The following DSCAM variants were observed in gnomAD, a reference collection of about 807,000 sequenced individuals.
The protein encoded by DSCAM is cell adhesion molecule DSCAM.
In DSCAM, 47 loss-of-function variants were observed where a neutral mutation model predicts 217.7. The ratio of observed to expected loss-of-function variants is 0.22; its 90% CI spans 0.17 to 0.28. DSCAM has a LOEUF of 0.28. Among genes scored for constraint, DSCAM ranks in the 10% least tolerant of loss-of-function variants. The probability of loss-of-function intolerance (pLI) is 1.00; values close to 1 mark genes in which losing one functional copy is unlikely to be tolerated. For synonymous variants in DSCAM, 1,056 were observed against 1,015.3 expected, an observed-to-expected ratio of 1.04 and a Z score of -0.76; for missense variants, 2,080 against 2,618.3, an observed-to-expected ratio of 0.79 and a Z score of 4.49.
At chr21:40,844,933 G>A (rs965161670) in intron 1 of DSCAM, among the ~76,000 whole-genome samples, 4 of 152,170 alleles carry the variant, frequency 2.6e-5, no homozygotes, top group Non-Finnish European at 5.9e-5. Flanking sequence ...CCTTTCCAAG[G>A]AGTTCAGAAA....
At chr21:40,029,150 C>CTAATTCTTTGATTA in intron 32 of DSCAM, among the ~76,000 whole-genome samples, 1 of 151,980 alleles carries the variant, frequency 6.6e-6, no homozygotes, top group Admixed American at 6.6e-5. Context: ...AAGGTGGCTT[C>CTAATTCTTTGATTA]CAATTCTTGG....
At chr21:40,572,394 GAAAC>G (rs1486173073) in intron 3 of DSCAM, among the ~76,000 whole-genome samples, 7 of 151,766 alleles carry the variant, frequency 4.6e-5, no homozygotes, top group Admixed American at 4.6e-4. Flanking sequence ...ATAAGAAAGA[GAAAC>G]AAATACTGGT....
chr21:40,288,764 A>T (rs1041998676), intron 10 of DSCAM, among the ~76,000 whole-genome samples: 1 of 152,250 alleles, frequency 6.6e-6, no homozygotes, highest in Non-Finnish European at 1.5e-5. Context: ...ACTAATGGCT[A>T]TGTGCCAGAA....
intron 11 of DSCAM, among the ~76,000 whole-genome samples, chr21:40,193,822 A>T (rs1254502996): frequency 6.6e-6 from 1 of 152,136 alleles, no homozygotes; most frequent in Non-Finnish European, 1.5e-5. Flanking sequence ...CACCTCCCAA[A>T]TCCAGGGTAG....
At chr21:40,634,189 C>T (rs1265888463) in intron 3 of DSCAM, among the ~76,000 whole-genome samples, 2 of 152,132 alleles carry the variant, frequency 1.3e-5, no homozygotes, top group Non-Finnish European at 2.9e-5. Flanking sequence ...CATTTAAGAA[C>T]TTTCAAAACA....
intron 27 of DSCAM, among the ~76,000 whole-genome samples, chr21:40,073,399 T>C (rs1218345958): frequency 6.6e-6 from 1 of 152,190 alleles, no homozygotes; most frequent in East Asian, 1.9e-4. Context: ...TTAGACATAG[T>C]TGTCTAATGG....
intron 3 of DSCAM, among the ~76,000 whole-genome samples, chr21:40,399,969 A>G (rs573316069): frequency 4.3e-4 from 65 of 152,276 alleles, no homozygotes; most frequent in Non-Finnish European, 8.5e-4. Context: ...AATTTTACCC[A>G]TATGTGGAAT....
At position 40,144,852 on chromosome 21, in the gene DSCAM, G is replaced by A. The variant is rs768388422; in HGVS notation, c.3019-121C>T. 1.8e-4 allele frequency: 254 copies of A among 1,419,862 alleles called. No individual in the cohort carries two copies. The highest frequency in any genetic ancestry group is 2.2e-4 in the Non-Finnish European group (227 of 1,050,166). The allele number at this position is 1,419,862 out of a possible 1,614,324, so 88.0% of individuals were successfully genotyped here. A position where few individuals can be genotyped will look rare whatever the true frequency, so the allele number is the denominator to read the frequency against. On this transcript the variant is annotated intron_variant, in intron 16 of 32. Coordinates refer to ENST00000400454, the MANE Select transcript of DSCAM (RefSeq NM_001389.5). The surrounding 1 kb of genome is among the most constrained non-coding windows in gnomAD (Gnocchi z 4.8). ...GGAGTCATCGCCACGATGCTGGGGC[G>A]GTGGTCCGGTAGCAGCCGCAAACCC... is the stretch of plus-strand genomic sequence containing the variant.
chr21:40,320,865 T>A (rs1002753464), intron 8 of DSCAM, among the ~76,000 whole-genome samples: 1 of 152,122 alleles, frequency 6.6e-6, no homozygotes, highest in African/African-American at 2.4e-5. Flanking sequence ...AAGATGAGAT[T>A]TGGGTGGAGA....
intron 16 of DSCAM, among the ~76,000 whole-genome samples, chr21:40,161,229 T>C (rs1050607191): frequency 3.3e-5 from 5 of 152,150 alleles, no homozygotes; most frequent in African/African-American, 1.2e-4. Context: ...ACTGGAGTCC[T>C]TGAAGAAGGC....
chr21:40,600,155 A>G (rs1049420695), intron 3 of DSCAM, among the ~76,000 whole-genome samples: 5 of 152,250 alleles, frequency 3.3e-5, no homozygotes, highest in Admixed American at 2.6e-4. Context: ...AACAATAAAA[A>G]GAGCAGAAGT....
chr21:40,372,075 AC>A (rs2074904661), intron 3 of DSCAM, among the ~76,000 whole-genome samples: 2 of 152,150 alleles, frequency 1.3e-5, no homozygotes, highest in African/African-American at 4.8e-5. Context: ...TACAGTCTCA[AC>A]TCAGGAGTCC....
In DSCAM at chr21:40,751,769, G is replaced by T. The variant is rs559015933; in HGVS notation, c.44-42998C>A. ...GACACTTTTCTATTTCTTAAGTGGG[G>T]TTCTATTCATGTTTATATTTTGTGT... On this transcript the variant is annotated intron_variant, in intron 1 of 32. Coordinates refer to ENST00000400454, the MANE Select transcript of DSCAM (RefSeq NM_001389.5). Among the ~76,000 whole-genome samples the T allele has an allele frequency of 6.6e-5, 10 of 152,036 alleles. No individual in the cohort carries two copies. In the South Asian group the frequency reaches 2.1e-3, roughly 32 times the overall value.
intron 16 of DSCAM, among the ~76,000 whole-genome samples, chr21:40,154,736 C>T (rs1289030613): frequency 6.6e-6 from 1 of 152,100 alleles, no homozygotes; most frequent in Non-Finnish European, 1.5e-5. Context: ...AGAAAAGGGC[C>T]ACATGACCTG....
At chr21:40,379,334 A>G (rs2074997341) in intron 3 of DSCAM, among the ~76,000 whole-genome samples, 2 of 152,240 alleles carry the variant, frequency 1.3e-5, no homozygotes, top group African/African-American at 2.4e-5. Flanking sequence ...TGGACACAGT[A>G]GACGTAAACC....
intron 11 of DSCAM, among the ~76,000 whole-genome samples, chr21:40,251,040 A>G (rs1043973812): frequency 6.6e-6 from 1 of 152,240 alleles, no homozygotes; most frequent in Non-Finnish European, 1.5e-5. Flanking sequence ...GGGCTCCCAC[A>G]GCCCTTGTGC....
intron 3 of DSCAM, among the ~76,000 whole-genome samples, chr21:40,562,046 TA>T (rs375951473): frequency 2.2e-4 from 34 of 152,332 alleles, no homozygotes; most frequent in African/African-American, 7.7e-4. Flanking sequence ...TCTCTCCTTA[TA>T]AGGGATGGGT....
At chr21:40,341,492 T>TG (rs2074490922) in intron 6 of DSCAM, among the ~76,000 whole-genome samples, 1 of 152,198 alleles carries the variant, frequency 6.6e-6, no homozygotes, top group African/African-American at 2.4e-5. Flanking sequence ...ATCTTAAGTG[T>TG]ACAGCTTAGT....
rs906554005 is a variant in DSCAM at position 40,271,482 on chromosome 21, C to T, written c.2356+4615G>A. Among the ~76,000 whole-genome samples, 8 of 152,154 alleles carry T rather than the reference C, an allele frequency of 5.3e-5. No homozygotes were observed. The South Asian group carries it at 1.0e-3, about 20-fold the overall frequency. ...TCAGCCAGTGGCAGAAAGTTGGGAGCGGGGAGGATGTAATTTGGGCATCTG... is the reference window on the plus strand; with the variant it reads ...TCAGCCAGTGGCAGAAAGTTGGGAGTGGGGAGGATGTAATTTGGGCATCTG... On this transcript the variant is annotated intron_variant, in intron 11 of 32. Coordinates refer to ENST00000400454, the MANE Select transcript of DSCAM (RefSeq NM_001389.5).
Sources: allele counts gnomAD v4.1 joint callset (sites outside exome capture counted in the v4.1 genomes callset), GRCh38; gene constraint gnomAD v4.1.1; non-coding constraint Gnocchi (gnomAD v3.1); transcripts MANE v1.5; gene names NCBI Gene and HGNC (gene_info 2026-07-23, HGNC 2026-07-21).